Variants in ATF1 observed in about 807,000 individuals in gnomAD.
ATF1 encodes the protein cyclic AMP-dependent transcription factor ATF-1.
Under a neutral mutation model 34.7 loss-of-function variants are expected in ATF1, and 16 were observed. That is an observed-to-expected ratio of 0.46 (90% CI 0.31 to 0.70). The LOEUF (loss-of-function observed/expected upper bound fraction) is 0.70, where lower values mean the gene tolerates loss of function less well. Among genes scored for constraint, ATF1 ranks in the 30% least tolerant of loss-of-function variants. The probability of loss-of-function intolerance (pLI) is 0.05; values close to 1 mark genes in which losing one functional copy is unlikely to be tolerated. For synonymous variants in ATF1, 105 were observed against 113.1 expected (o/e 0.93, Z 0.46); for missense variants, 255 against 321.6 (o/e 0.79, Z 1.58).
chr12:50,817,724 GAGAA>G (rs1328868696), intron 6 of ATF1, among the ~76,000 whole-genome samples: 1 of 152,080 alleles, frequency 6.6e-6, no homozygotes, highest in Non-Finnish European at 1.5e-5. Flanking sequence ...TTTATATAAA[GAGAA>G]AGAATTACGA....
intron 1 of ATF1, among the ~76,000 whole-genome samples, chr12:50,773,059 A>G (rs893891802): frequency 1.3e-5 from 2 of 152,208 alleles, no homozygotes; most frequent in African/African-American, 4.8e-5. Context: ...TGAGGATAAC[A>G]GCTTCCAGCT....
intron 3 of ATF1, among the ~76,000 whole-genome samples, chr12:50,805,561 C>CA (rs370613978): frequency 0.14 from 7,185 of 52,390 alleles, 692 homozygotes; most frequent in African/African-American, 0.32. Context: ...CTGTCTGTCT[C>CA]AAAAAAAAAA....
intron 2 of ATF1, among the ~76,000 whole-genome samples, chr12:50,782,104 A>C (rs1448655406): frequency 6.6e-6 from 1 of 152,176 alleles, no homozygotes; most frequent in Non-Finnish European, 1.5e-5. Flanking sequence ...GGCTTTTAAA[A>C]CACTACACAT....
At chr12:50,776,841 C>G (rs1237213873) in intron 1 of ATF1, among the ~76,000 whole-genome samples, 1 of 152,062 alleles carries the variant, frequency 6.6e-6, no homozygotes, top group Non-Finnish European at 1.5e-5. Flanking sequence ...TATGCACATT[C>G]CCTGGATGCT....
intron 3 of ATF1, among the ~76,000 whole-genome samples, chr12:50,800,307 C>T (rs1236243491): frequency 6.6e-6 from 1 of 152,200 alleles, no homozygotes; most frequent in Non-Finnish European, 1.5e-5. Context: ...TAAATATTCT[C>T]ATCAAGGGAA....
chr12:50,805,638 A>G (rs979799843), intron 3 of ATF1, among the ~76,000 whole-genome samples: 2 of 150,750 alleles, frequency 1.3e-5, no homozygotes, highest in South Asian at 2.1e-4. Context: ...GGGAATGTCT[A>G]TGTAGTAAGT....
At chr12:50,775,108 T>G (rs1023925960) in intron 1 of ATF1, among the ~76,000 whole-genome samples, 1 of 149,078 alleles carries the variant, frequency 6.7e-6, no homozygotes, top group Non-Finnish European at 1.5e-5. Context: ...TATCTTTTGT[T>G]TTTTTTTTTT....
chr12:50,781,385 G>C (rs1592174492), intron 2 of ATF1, among the ~76,000 whole-genome samples: 1 of 152,138 alleles, frequency 6.6e-6, no homozygotes, highest in Non-Finnish European at 1.5e-5. Flanking sequence ...ATCCACAGAT[G>C]TGAAACTCAT....
chr12:50,769,434 G>T (rs1341296704), intron 1 of ATF1, among the ~76,000 whole-genome samples: 1 of 152,020 alleles, frequency 6.6e-6, no homozygotes, highest in Non-Finnish European at 1.5e-5. Context: ...AACCTGGGAG[G>T]GGGAGGTTGC....
intron 4 of ATF1, 73 bp from the exon 5 acceptor site, chr12:50,813,937 G>T: frequency 7.0e-7 from 1 of 1,433,626 alleles, no homozygotes; most frequent in East Asian, 2.3e-5. Context: ...TAGTGTTTGT[G>T]GGCTTTTTGC....
chr12:50,767,328 G>A (rs1016838371), intron 1 of ATF1, among the ~76,000 whole-genome samples: 8 of 152,128 alleles, frequency 5.3e-5, no homozygotes, highest in African/African-American at 1.9e-4. Context: ...GACCAGCCGT[G>A]GCCAACATGG....
At chr12:50,796,933 T>C (rs758817316) in intron 3 of ATF1, among the ~76,000 whole-genome samples, 21 of 152,162 alleles carry the variant, frequency 1.4e-4, no homozygotes, top group Non-Finnish European at 4.4e-5. Flanking sequence ...AAAACGTGTC[T>C]GTGTAGCAAA....
At chr12:50,788,488 G>GTT (rs796614717) in intron 2 of ATF1, among the ~76,000 whole-genome samples, 7 of 142,238 alleles carry the variant, frequency 4.9e-5, no homozygotes, top group African/African-American at 7.7e-5. Flanking sequence ...ACCTGGCCCT[G>GTT]TTTTTTTTTT....
chr12:50,795,829 A>T lies in ATF1; in HGVS notation c.94-80A>T, dbSNP rs1039625071. On this transcript the variant is annotated intron_variant, in intron 2 of 6. Coordinates refer to ENST00000262053, the MANE Select transcript of ATF1 (RefSeq NM_005171.5). Reference sequence around the variant, plus strand: ...GAATTGGAGTGGCAGGAGACAGATCATTTTTTTCTAAAAGTAAAAATTCAG... The same window carrying T: ...GAATTGGAGTGGCAGGAGACAGATCTTTTTTTTCTAAAAGTAAAAATTCAG... 5 of 1,094,884 alleles carry T rather than the reference A, an allele frequency of 4.6e-6. No individual in the cohort carries two copies. In the Admixed American group the frequency reaches 8.5e-5, roughly 19 times the overall value. 67.8% of individuals were successfully genotyped at this position (1,094,884 alleles called of 1,614,324 possible). A position where few individuals can be genotyped will look rare whatever the true frequency, so the allele number is the denominator to read the frequency against.
At chr12:50,819,074 T>C (rs1411596270) in intron 6 of ATF1, among the ~76,000 whole-genome samples, 1 of 152,232 alleles carries the variant, frequency 6.6e-6, no homozygotes, top group Admixed American at 6.5e-5. Flanking sequence ...TTTCACTCTT[T>C]GGTATTTATT....
chr12:50,794,312 A>G (rs1001422510), intron 2 of ATF1, among the ~76,000 whole-genome samples: 1 of 151,456 alleles, frequency 6.6e-6, no homozygotes. Context: ...CACACTTGCA[A>G]TCCCAGCACT....
At chr12:50,790,746 T>A (rs1941283892) in intron 2 of ATF1, among the ~76,000 whole-genome samples, 1 of 151,800 alleles carries the variant, frequency 6.6e-6, no homozygotes. Context: ...TGATTAGCCG[T>A]CCTGCTTGCT....
chr12:50,819,776 T>C lies in ATF1; in HGVS notation c.813T>C (p.Val271=). The change falls in exon 7 of 7, where the codon GTT becomes GTC. Residue 271 remains valine, a synonymous_variant. Transcript: ENST00000262053. ...TLKDLYSNKS[V] is the part of the protein sequence containing the mutation. ...AGGATCTTTATTCCAATAAAAGTGT[T>C]TGATTCCTAAGAAAGAAAATATTTT... is the stretch of plus-strand genomic sequence containing the variant. 6.5e-7 allele frequency: 1 copy of C among 1,527,906 alleles called. No homozygotes were observed. The highest frequency in any genetic ancestry group is 1.2e-5 in the South Asian group (1 of 82,180). 94.6% of individuals were successfully genotyped at this position (1,527,906 alleles called of 1,614,324 possible).
chr12:50,779,355 T>G (rs1293734125), intron 1 of ATF1, among the ~76,000 whole-genome samples: 2 of 152,212 alleles, frequency 1.3e-5, no homozygotes, highest in East Asian at 1.9e-4. Flanking sequence ...TGTACCACTT[T>G]ACATTCCCAC....
Sources: allele counts gnomAD v4.1 joint callset (sites outside exome capture counted in the v4.1 genomes callset), GRCh38; gene constraint gnomAD v4.1.1; transcripts MANE v1.5; gene names NCBI Gene and HGNC (gene_info 2026-07-23, HGNC 2026-07-21).